Variants in RPTOR observed in about 807,000 individuals in gnomAD.
RPTOR encodes regulatory-associated protein of mTOR.
A neutral mutation model predicts 169.9 loss-of-function variants in RPTOR; 21 were observed. That is an observed-to-expected ratio of 0.12 (90% CI 0.09 to 0.18). The LOEUF is 0.18. RPTOR is among the 10% of genes least tolerant of loss of function. The pLI is 1.00. For missense variants in RPTOR, 1,133 were observed against 1,855.9 expected (o/e 0.61, Z 7.16); for synonymous variants, 732 against 753.2 (o/e 0.97, Z 0.46).
chr17:80,615,243 TG>T (rs975832469), intron 1 of RPTOR, among the ~76,000 whole-genome samples: 12 of 152,274 alleles, frequency 7.9e-5, no homozygotes, highest in Middle Eastern at 6.8e-3. Flanking sequence ...CTAGAAGACC[TG>T]CCACCGCCTC....
intron 9 of RPTOR, among the ~76,000 whole-genome samples, chr17:80,832,123 A>T (rs1486672119): frequency 1.3e-5 from 2 of 152,148 alleles, no homozygotes; most frequent in Non-Finnish European, 2.9e-5. Flanking sequence ...AGTGTGGAAA[A>T]ACTCCATTGA....
intron 3 of RPTOR, among the ~76,000 whole-genome samples, chr17:80,680,043 G>A (rs990197355): frequency 1.6e-5 from 2 of 128,418 alleles, no homozygotes; most frequent in African/African-American, 7.5e-5. Context: ...TCCAGTTCTC[G>A]GTCAGGGCCA....
intron 7 of RPTOR, among the ~76,000 whole-genome samples, chr17:80,807,403 G>A (rs1480231663): frequency 6.6e-6 from 1 of 152,026 alleles, no homozygotes; most frequent in Non-Finnish European, 1.5e-5. Context: ...AGGCTGGAGT[G>A]CAATAGCACG....
At chr17:80,745,601 T>C (rs777860493) in intron 5 of RPTOR, among the ~76,000 whole-genome samples, 1 of 152,266 alleles carries the variant, frequency 6.6e-6, no homozygotes, top group Non-Finnish European at 1.5e-5. Flanking sequence ...TGACTATTAA[T>C]AGAGTTGGAT....
At position 80,838,590 on chromosome 17, in the gene RPTOR, A is replaced by G. The variant is rs868095229; in HGVS notation, c.1212+593A>G. 9.1e-4 allele frequency among the ~76,000 whole-genome samples: 139 copies of G among 152,218 alleles called. 1 individual carries two copies. The highest frequency in any genetic ancestry group is 6.8e-3 in the Middle Eastern group (2 of 294). The stretch of plus-strand genomic sequence containing the variant: ...CCAAGTCTGAAAATAGATAAATAAG[A>G]CGGAGGCCCTGCCCTCCAGAAACCC... On this transcript the variant is annotated intron_variant, in intron 10 of 33. Transcript: ENST00000306801.
intron 24 of RPTOR, among the ~76,000 whole-genome samples, chr17:80,938,572 A>G (rs2068983720): frequency 6.6e-6 from 1 of 152,238 alleles, no homozygotes; most frequent in Non-Finnish European, 1.5e-5. Flanking sequence ...AAGAATCCAC[A>G]GTCTATCCCA....
intron 4 of RPTOR, among the ~76,000 whole-genome samples, chr17:80,729,960 T>G (rs2066375642): frequency 6.6e-6 from 1 of 152,162 alleles, no homozygotes; most frequent in South Asian, 2.1e-4. Context: ...CAGTGAAAAC[T>G]GAGACAAGTT....
chr17:80,673,453 T>C (rs2065837329), intron 3 of RPTOR, among the ~76,000 whole-genome samples: 1 of 152,184 alleles, frequency 6.6e-6, no homozygotes, highest in African/African-American at 2.4e-5. Flanking sequence ...GGTGACACTT[T>C]CCTGGGCATT....
chr17:80,642,896 C>G (rs541348015), intron 2 of RPTOR, among the ~76,000 whole-genome samples: 3 of 152,172 alleles, frequency 2.0e-5, no homozygotes, highest in Non-Finnish European at 4.4e-5. Context: ...CATCCTTGAT[C>G]AAACCACATA....
At chr17:80,778,098 T>C (rs1414159927) in intron 6 of RPTOR, among the ~76,000 whole-genome samples, 2 of 152,330 alleles carry the variant, frequency 1.3e-5, no homozygotes, top group East Asian at 3.9e-4. Flanking sequence ...ATATAACAAC[T>C]CTGAAAAATA....
intron 5 of RPTOR, among the ~76,000 whole-genome samples, chr17:80,745,380 G>C (rs57673311): frequency 0.25 from 37,725 of 151,990 alleles, 4,741 homozygotes; most frequent in South Asian, 0.28. Flanking sequence ...GCACGTCCTT[G>C]GAAGTCTCCA....
chr17:80,757,974 G>A (rs187200364), intron 6 of RPTOR, among the ~76,000 whole-genome samples: 5 of 152,260 alleles, frequency 3.3e-5, no homozygotes, highest in African/African-American at 1.2e-4. Context: ...CCCAGGAAGA[G>A]ATTGGTCCAC....
chr17:80,896,126 T>G (rs1290022340), intron 20 of RPTOR, among the ~76,000 whole-genome samples: 1 of 152,118 alleles, frequency 6.6e-6, no homozygotes, highest in Non-Finnish European at 1.5e-5. Context: ...GATTTAAAAT[T>G]TTCCTTTTTT....
intron 1 of RPTOR, among the ~76,000 whole-genome samples, chr17:80,591,252 C>A (rs1405685068): frequency 8.4e-4 from 80 of 94,980 alleles, no homozygotes; most frequent in Non-Finnish European, 1.2e-3. Context: ...CTCTCCTCCC[C>A]TCTCCTCCCC....
intron 21 of RPTOR, among the ~76,000 whole-genome samples, chr17:80,917,925 C>T (rs1200963062): frequency 6.6e-6 from 1 of 152,198 alleles, no homozygotes; most frequent in Non-Finnish European, 1.5e-5. Context: ...GCCTCTCCCA[C>T]CAAGCCACGG....
chr17:80,784,700 CT>C (rs201356839), intron 6 of RPTOR, among the ~76,000 whole-genome samples: 7,739 of 137,290 alleles, frequency 0.056, 249 homozygotes, highest in Non-Finnish European at 0.083. Flanking sequence ...GCCTATTTTA[CT>C]TTTTTTTTTT....
At chr17:80,817,351 G>C (rs2067334433) in intron 7 of RPTOR, among the ~76,000 whole-genome samples, 1 of 152,146 alleles carries the variant, frequency 6.6e-6, no homozygotes, top group Non-Finnish European at 1.5e-5. Context: ...ACAGCCCCTT[G>C]TCCTTGTCCT....
Position 80,643,793 on chromosome 17 carries a change from G to T in RPTOR, c.331G>T (p.Glu111Ter). 6.2e-7 allele frequency: 1 copy of T among 1,613,558 alleles called. No homozygotes were observed. Among genetic ancestry groups the T allele is most frequent in the Non-Finnish European group, 8.5e-7 (1 of 1,179,650 alleles). The change falls in exon 3 of 34, where the codon GAG becomes TAG. Residue 111 changes from glutamate to a stop codon, truncating the protein, a stop_gained. Coordinates refer to ENST00000306801, the MANE Select transcript of RPTOR (RefSeq NM_020761.3). LOFTEE classifies it high-confidence loss of function. ...TIGANLQKQY[E>*]NWQPRARYKQ... ...CGGTGCAAATTTACAGAAGCAGTAC[G>T]AGAACTGGCAGCCAAGGGTAAGTGT...
chr17:80,558,467 G>C (rs1471848602), intron 1 of RPTOR, among the ~76,000 whole-genome samples: 1 of 152,152 alleles, frequency 6.6e-6, no homozygotes, highest in Admixed American at 6.6e-5. Flanking sequence ...TGCGTTTATT[G>C]TTCTTGACTA....
Sources: gnomAD v4.1 joint callset for allele counts (sites outside exome capture counted in the v4.1 genomes callset) on GRCh38, gnomAD v4.1.1 for gene constraint, MANE v1.5 for transcripts, NCBI Gene and HGNC (gene_info 2026-07-23, HGNC 2026-07-21) for gene names.